The following BCKDHB variants were observed in gnomAD, a reference collection of about 807,000 sequenced individuals.
BCKDHB encodes the protein 2-oxoisovalerate dehydrogenase subunit beta, mitochondrial.
Under a neutral mutation model 48.5 loss-of-function variants are expected in BCKDHB, and 41 were observed. The observed-to-expected ratio is 0.85, with a 90% confidence interval of 0.66 to 1.10. The LOEUF (loss-of-function observed/expected upper bound fraction) is 1.10. Ranked by LOEUF, BCKDHB falls within the 50% of genes least tolerant of loss-of-function variation. The pLI is 0.00. For missense variants in BCKDHB, 496 were observed against 494.2 expected (o/e 1.00, Z -0.03); for synonymous variants, 201 against 174.8 (o/e 1.15, Z -1.18).
At chr6:80,404,802 T>A in the BCKDHB span, among the ~76,000 whole-genome samples, 1 of 152,092 alleles carries the variant, frequency 6.6e-6, no homozygotes, top group African/African-American at 2.4e-5. Context: ...TTTCTTTCAC[T>A]GTTTGTTTAG....
At chr6:80,199,849 A>T (rs905192276) in intron 6 of BCKDHB, among the ~76,000 whole-genome samples, 2 of 149,314 alleles carry the variant, frequency 1.3e-5, no homozygotes, top group Admixed American at 1.3e-4. Flanking sequence ...AGGTGGGTGG[A>T]TCATTTGAGG....
intron 8 of BCKDHB, among the ~76,000 whole-genome samples, chr6:80,219,711 CA>C (rs1775326504): frequency 6.6e-6 from 1 of 152,144 alleles, no homozygotes; most frequent in Admixed American, 6.6e-5. Context: ...ATATTGGGTG[CA>C]GGAGGTTTTC....
At chr6:80,362,342 T>A in the BCKDHB span, among the ~76,000 whole-genome samples, 1 of 152,174 alleles carries the variant, frequency 6.6e-6, no homozygotes, top group African/African-American at 2.4e-5. Flanking sequence ...TTACAGAGTG[T>A]ACACCAATGC....
the BCKDHB span, among the ~76,000 whole-genome samples, chr6:80,410,912 T>A: frequency 6.6e-6 from 1 of 152,286 alleles, no homozygotes; most frequent in South Asian, 2.1e-4. Context: ...CTTGGAGAAG[T>A]TTGTTATTAC....
chr6:80,424,862 T>C, the BCKDHB span, among the ~76,000 whole-genome samples: 5,549 of 152,242 alleles, frequency 0.036, 349 homozygotes, highest in African/African-American at 0.13. Context: ...ATTGCTAGGT[T>C]CCTAGCATGG....
the BCKDHB span, among the ~76,000 whole-genome samples, chr6:80,360,095 T>C: frequency 6.6e-6 from 1 of 152,152 alleles, no homozygotes; most frequent in Non-Finnish European, 1.5e-5. Context: ...TGACAAGACA[T>C]TGGGGAGGAG....
chr6:80,205,837 GGT>G (rs1774628811), intron 8 of BCKDHB, among the ~76,000 whole-genome samples: 4 of 91,866 alleles, frequency 4.4e-5, no homozygotes, highest in African/African-American at 1.7e-4. Context: ...TGTGTGTGTA[GGT>G]GGATTGGCTT....
chr6:80,353,941 G>A, the BCKDHB span, among the ~76,000 whole-genome samples: 5 of 152,164 alleles, frequency 3.3e-5, 1 homozygote, highest in South Asian at 1.0e-3. Context: ...ATGATGATTA[G>A]TGATGTTGAG....
At chr6:80,449,820 T>A in the BCKDHB span, among the ~76,000 whole-genome samples, 1 of 152,216 alleles carries the variant, frequency 6.6e-6, no homozygotes, top group African/African-American at 2.4e-5. Context: ...CAAGTTCTAT[T>A]TGTTTTTTAC....
the BCKDHB span, among the ~76,000 whole-genome samples, chr6:80,369,989 A>G: frequency 6.6e-6 from 1 of 152,210 alleles, no homozygotes; most frequent in African/African-American, 2.4e-5. Context: ...TTTAAACATC[A>G]TTTACACTTC....
At chr6:80,449,375 G>A in the BCKDHB span, among the ~76,000 whole-genome samples, 2 of 152,256 alleles carry the variant, frequency 1.3e-5, no homozygotes, top group South Asian at 4.2e-4. Flanking sequence ...CGTGATAATA[G>A]ACTGTGAGAA....
chr6:80,172,830 G>A (rs1772980580), intron 6 of BCKDHB, among the ~76,000 whole-genome samples: 2 of 152,002 alleles, frequency 1.3e-5, no homozygotes, highest in African/African-American at 4.8e-5. Flanking sequence ...TTGCTCTTAA[G>A]TTTAAAAACA....
At chr6:80,353,827 T>A in the BCKDHB span, among the ~76,000 whole-genome samples, 3 of 150,770 alleles carry the variant, frequency 2.0e-5, no homozygotes, top group African/African-American at 7.3e-5. Context: ...TGCTCCAGCC[T>A]GGGCGACAAA....
chr6:80,279,944 G>A (rs1247092513), intron 9 of BCKDHB, among the ~76,000 whole-genome samples: 1 of 152,164 alleles, frequency 6.6e-6, no homozygotes, highest in African/African-American at 2.4e-5. Flanking sequence ...AACTCATGAA[G>A]GATAAGTATG....
intron 6 of BCKDHB, among the ~76,000 whole-genome samples, chr6:80,186,434 G>A (rs568185239): frequency 4.1e-4 from 62 of 152,272 alleles, no homozygotes; most frequent in African/African-American, 1.4e-3. Flanking sequence ...AACAGCACAC[G>A]TTTATATTCA....
At chr6:80,168,791 A>AAGGAAGGGATGGAGGGAGGG (rs139630496) in intron 4 of BCKDHB, 84 bp from the exon 5 acceptor site, 1 of 999,482 alleles carries the variant, frequency 1.0e-6, no homozygotes, top group Non-Finnish European at 1.5e-6. Context: ...GGAAGGAAGG[A>AAGGAAGGGATGGAGGGAGGG]AGGGAGGGAG....
At chr6:80,419,058 T>A in the BCKDHB span, among the ~76,000 whole-genome samples, 2 of 152,166 alleles carry the variant, frequency 1.3e-5, no homozygotes, top group Non-Finnish European at 2.9e-5. Context: ...ACAGTGCTCA[T>A]GGCAGCAGGG....
intron 9 of BCKDHB, among the ~76,000 whole-genome samples, chr6:80,310,284 G>A (rs775193025): frequency 2.0e-4 from 31 of 151,976 alleles, no homozygotes; most frequent in Non-Finnish European, 3.8e-4. Context: ...GCTGGTGTGT[G>A]TCATTGTCCC....
the BCKDHB span, among the ~76,000 whole-genome samples, chr6:80,445,536 C>A: frequency 6.6e-6 from 1 of 152,094 alleles, no homozygotes; most frequent in African/African-American, 2.4e-5. Flanking sequence ...CTAATCACAA[C>A]TGTAAATATA....
Sources: gnomAD v4.1 joint callset for allele counts (sites outside exome capture counted in the v4.1 genomes callset) on GRCh38, gnomAD v4.1.1 for gene constraint, MANE v1.5 for transcripts, NCBI Gene and HGNC (gene_info 2026-07-23, HGNC 2026-07-21) for gene names.